The following OSBPL9 variants were observed in gnomAD, a reference collection of about 807,000 sequenced individuals.
OSBPL9 encodes the protein oxysterol-binding protein-related protein 9.
A neutral mutation model predicts 106.6 loss-of-function variants in OSBPL9; 40 were observed. That is an observed-to-expected ratio of 0.38 (90% CI 0.29 to 0.49). The LOEUF (loss-of-function observed/expected upper bound fraction) is 0.49. Among genes scored for constraint, OSBPL9 ranks in the 20% least tolerant of loss-of-function variants. The probability of loss-of-function intolerance (pLI) is 0.97; values close to 1 mark genes in which losing one functional copy is unlikely to be tolerated. For synonymous variants in OSBPL9, 269 were observed against 295.4 expected, an observed-to-expected ratio of 0.91 and a Z score of 0.92; for missense variants, 609 against 887.2, an observed-to-expected ratio of 0.69 and a Z score of 3.98.
At chr1:51,787,685 G>A (rs1571815950) in intron 23 of OSBPL9, 30 bp from the exon 24 acceptor site, 2 of 1,604,612 alleles carry the variant, frequency 1.2e-6, no homozygotes, top group African/African-American at 1.3e-5. Context: ...AAGCAAATAT[G>A]TAACTAAATT....
intron 1 of OSBPL9, among the ~76,000 whole-genome samples, chr1:51,635,335 A>C (rs1645361986): frequency 6.6e-6 from 1 of 152,016 alleles, no homozygotes; most frequent in African/African-American, 2.4e-5. Flanking sequence ...TTTTCCTGTG[A>C]GGTAATCTTC....
chr1:51,705,151 T>A (rs931433599), intron 3 of OSBPL9, among the ~76,000 whole-genome samples: 1 of 151,690 alleles, frequency 6.6e-6, no homozygotes, highest in East Asian at 1.9e-4. Flanking sequence ...TGTCTGAAAA[T>A]CACTCCAAAT....
At chr1:51,548,381 G>A in the OSBPL9 span, among the ~76,000 whole-genome samples, 3 of 151,780 alleles carry the variant, frequency 2.0e-5, no homozygotes, top group Admixed American at 6.6e-5. Flanking sequence ...TTACATGTGT[G>A]AGCCACCACA....
At position 51,772,738 on chromosome 1, in the gene OSBPL9, G is replaced by T; in HGVS notation, c.1170+15G>T. ...ATCTTACTAAGGTAAGACCAAATTT[G>T]CTGTAAGTCTGTGTGGGTATGTATG... is the stretch of plus-strand genomic sequence containing the variant. On this transcript the variant is annotated intron_variant, in intron 14 of 23. Transcript: ENST00000428468. 1 of 1,581,076 alleles carries T rather than the reference G, an allele frequency of 6.3e-7. No homozygotes were observed. Among genetic ancestry groups the T allele is most frequent in the South Asian group, 1.1e-5 (1 of 90,400 alleles).
At chr1:51,784,365 T>G in intron 19 of OSBPL9, 38 bp downstream of exon 19, 1 of 1,610,110 alleles carries the variant, frequency 6.2e-7, no homozygotes, top group East Asian at 2.2e-5. Context: ...CAGTAGACTC[T>G]GCTGTTCCTT....
chr1:51,740,820 C>T (rs1406955952), intron 4 of OSBPL9, among the ~76,000 whole-genome samples: 1 of 152,156 alleles, frequency 6.6e-6, no homozygotes, highest in Admixed American at 6.5e-5. Flanking sequence ...ATTCTGGACT[C>T]AAGAACTTCA....
chr1:51,781,132 AG>A (rs1676286277), intron 15 of OSBPL9, 31 bp from the exon 16 acceptor site: 3 of 1,604,590 alleles, frequency 1.9e-6, no homozygotes, highest in Non-Finnish European at 2.6e-6. Context: ...ACCAGAAAGC[AG>A]GACATTAAAT....
chr1:51,719,194 T>C (rs1661603438), intron 4 of OSBPL9, among the ~76,000 whole-genome samples: 1 of 152,216 alleles, frequency 6.6e-6, no homozygotes, highest in Non-Finnish European at 1.5e-5. Context: ...AGACTGAAGG[T>C]GACAGAAGAT....
intron 1 of OSBPL9, 22 bp downstream of exon 1, chr1:51,617,243 C>G (rs774623874): frequency 6.3e-6 from 10 of 1,579,182 alleles, no homozygotes; most frequent in Non-Finnish European, 7.8e-6. Context: ...GAGGGCACAG[C>G]TCCAGGCGCC....
chr1:51,780,203 T>TA lies in OSBPL9; in HGVS notation c.1257-947dup, dbSNP rs78426387. On this transcript the variant is annotated intron_variant, in intron 15 of 23. Coordinates refer to ENST00000428468, the MANE Select transcript of OSBPL9 (RefSeq NM_024586.6). ...CTTACTCCTGCAAGAATGGCCATAT[T>TA]AAAAAAAAAAAAAATAGATGTTGAT... Among the ~76,000 whole-genome samples the TA allele has an allele frequency of 2.6e-3, 368 of 142,010 alleles. 1 individual carries two copies. The highest frequency in any genetic ancestry group is 5.5e-3 in the African/African-American group (214 of 39,068). 93.2% of individuals were successfully genotyped at this position (142,010 alleles called of 152,430 possible). A position where few individuals can be genotyped will look rare whatever the true frequency, so the allele number is the denominator to read the frequency against.
intron 3 of OSBPL9, among the ~76,000 whole-genome samples, chr1:51,711,521 C>CCA (rs1659913404): frequency 7.5e-6 from 1 of 133,180 alleles, no homozygotes; most frequent in Middle Eastern, 3.6e-3. Flanking sequence ...GCTGACCCCC[C>CCA]ACCTCCCTCC....
At chr1:51,602,419 A>ATTTTTTTTTTTT (rs1357173060) in intron 2 of OSBPL9, among the ~76,000 whole-genome samples, 4 of 104,664 alleles carry the variant, frequency 3.8e-5, no homozygotes, top group African/African-American at 8.2e-5. Context: ...TTTTTTTTTA[A>ATTTTTTTTTTTT]TTTTTTTTTT....
intron 1 of OSBPL9, among the ~76,000 whole-genome samples, chr1:51,642,034 T>TC (rs1312872200): frequency 6.6e-6 from 1 of 152,202 alleles, no homozygotes; most frequent in Non-Finnish European, 1.5e-5. Context: ...TGTTTTTTTT[T>TC]CCTTTGAGGC....
intron 2 of OSBPL9, among the ~76,000 whole-genome samples, chr1:51,611,448 A>G (rs1353882435): frequency 6.6e-6 from 1 of 152,230 alleles, no homozygotes; most frequent in East Asian, 1.9e-4. Flanking sequence ...AAACATGACA[A>G]CAATAACAGC....
Position 51,779,050 on chromosome 1 carries a change from TTTGCCTCAGA to T in OSBPL9, c.1257-2113_1257-2104del, listed in dbSNP as rs571376355. On this transcript the variant is annotated intron_variant, in intron 15 of 23. Transcript: ENST00000428468. ...ATGATACTAGAAACCAGAAGCAGTG[TTTGCCTCAGA>T]GTAAGTAAGATGTGGCGATTGTTTG... Among the ~76,000 whole-genome samples the T allele has an allele frequency of 1.0e-3, 158 of 152,306 alleles. 1 individual carries two copies. In the South Asian group the frequency reaches 0.032, roughly 31 times the overall value.
chr1:51,771,712 G>T (rs1358839462), intron 12 of OSBPL9, among the ~76,000 whole-genome samples: 1 of 152,078 alleles, frequency 6.6e-6, no homozygotes, highest in African/African-American at 2.4e-5. Flanking sequence ...TTTATTAAAG[G>T]ATCTCAAACA....
At chr1:51,638,448 A>G (rs1418611075) in intron 1 of OSBPL9, among the ~76,000 whole-genome samples, 4 of 152,172 alleles carry the variant, frequency 2.6e-5, no homozygotes, top group Non-Finnish European at 5.9e-5. Context: ...GCTCTCTTAA[A>G]TAGAAAGGAG....
upstream of OSBPL9, among the ~76,000 whole-genome samples, chr1:51,577,013 C>T (rs1645188303): frequency 1.3e-5 from 2 of 152,094 alleles, no homozygotes; most frequent in Non-Finnish European, 2.9e-5. Flanking sequence ...GGGGAGAATC[C>T]TTCATGAATA....
intron 9 of OSBPL9, among the ~76,000 whole-genome samples, chr1:51,757,505 G>A (rs940440339): frequency 1.3e-5 from 2 of 151,422 alleles, no homozygotes; most frequent in Admixed American, 6.6e-5. Context: ...TTCCCTCAAA[G>A]CCAAATTAGT....
Sources: gnomAD v4.1 joint callset for allele counts (sites outside exome capture counted in the v4.1 genomes callset) on GRCh38, gnomAD v4.1.1 for gene constraint, MANE v1.5 for transcripts, NCBI Gene and HGNC (gene_info 2026-07-23, HGNC 2026-07-21) for gene names.